ST3GAL5: variants seen among roughly 807,000 people sequenced by gnomAD.
The protein encoded by ST3GAL5 is ST3 beta-galactoside alpha-2,3-sialyltransferase 5, also known as lactosylceramide alpha-2,3-sialyltransferase.
ST3GAL5 carries 25 observed loss-of-function variants against 46.1 expected under a neutral mutation model. That is an observed-to-expected ratio of 0.54 (90% CI 0.40 to 0.76). The LOEUF (loss-of-function observed/expected upper bound fraction) is 0.76. Ranked by LOEUF, ST3GAL5 falls within the 30% of genes least tolerant of loss-of-function variation. The pLI, the probability that ST3GAL5 is intolerant of heterozygous loss-of-function variation, is 0.00. For synonymous variants in ST3GAL5, 182 were observed against 192.7 expected (o/e 0.94, Z 0.46); for missense variants, 431 against 521.2 (o/e 0.83, Z 1.69).
In ST3GAL5 at chr2:85,847,843, CA is replaced by C. The variant is rs370442067; in HGVS notation, c.662+17del. 2.5e-6 allele frequency: 4 copies of C among 1,609,634 alleles called. No homozygotes were observed. The highest frequency in any genetic ancestry group is 1.7e-4 in the Middle Eastern group (1 of 6,048). ...CAATAAAAATAAGTAAACAAACAAACAAAAAAAACCAATGTACCTTATCACA... is the reference window on the plus strand; with the variant it reads ...CAATAAAAATAAGTAAACAAACAAACAAAAAAACCAATGTACCTTATCACA... On this transcript the variant is annotated intron_variant, in intron 4 of 6. Coordinates refer to ENST00000638572, the MANE Select transcript of ST3GAL5 (RefSeq NM_003896.4).
chr2:85,849,663 C>T (rs544238192), intron 3 of ST3GAL5: 42 of 152,344 alleles, frequency 2.8e-4, no homozygotes, highest in African/African-American at 9.6e-4. Context: ...AAAAACGCAA[C>T]CTTGGAGGAA....
chr2:85,873,439 C>T (rs570235569), intron 1 of ST3GAL5, among the ~76,000 whole-genome samples: 1 of 152,146 alleles, frequency 6.6e-6, no homozygotes, highest in African/African-American at 2.4e-5. Flanking sequence ...GGACATGAAA[C>T]GTGGAGAAAA....
At chr2:85,857,289 C>T (rs1233012692) in intron 3 of ST3GAL5, among the ~76,000 whole-genome samples, 1 of 151,738 alleles carries the variant, frequency 6.6e-6, no homozygotes, top group African/African-American at 2.4e-5. Flanking sequence ...GTCATCCTAG[C>T]ACTTTGGGAG....
At chr2:85,844,673 A>T in intron 5 of ST3GAL5, 119 bp from the exon 6 acceptor site, 1 of 1,368,418 alleles carries the variant, frequency 7.3e-7, no homozygotes, top group Non-Finnish European at 1.0e-6. Flanking sequence ...CTGCCTTCTG[A>T]AGCAATCTAC....
chr2:85,876,830 G>A (rs1341864031), intron 1 of ST3GAL5, among the ~76,000 whole-genome samples: 3 of 152,108 alleles, frequency 2.0e-5, no homozygotes, highest in Non-Finnish European at 4.4e-5. Context: ...CTGTGGGCGT[G>A]ACTTCTATAA....
At chr2:85,867,560 T>C in intron 1 of ST3GAL5, 1 of 780,632 alleles carries the variant, frequency 1.3e-6, no homozygotes, top group Non-Finnish European at 2.4e-6. Flanking sequence ...AGGAAGAGGC[T>C]GACGAATCCA....
intron 1 of ST3GAL5, among the ~76,000 whole-genome samples, chr2:85,871,115 G>A (rs1361655068): frequency 1.4e-5 from 2 of 147,690 alleles, no homozygotes; most frequent in Non-Finnish European, 3.0e-5. Flanking sequence ...ATGGCTCACC[G>A]CAGCCTTGAC....
rs989255908 is a variant in ST3GAL5 at position 85,844,544 on chromosome 2, A to G, written c.860T>C (p.Val287Ala). 1.1e-5 allele frequency: 17 copies of G among 1,614,120 alleles called. No individual in the cohort carries two copies. The highest frequency in any genetic ancestry group is 1.4e-5 in the Non-Finnish European group (17 of 1,180,024). The change falls in exon 6 of 7, where the codon GTA becomes GCA. Residue 287 changes from valine (V) to alanine (A), a missense_variant. Transcript: ENST00000638572. ...MVKKETLPFWVRLFFWKQVAE... is the reference protein window; with the variant it reads ...MVKKETLPFWARLFFWKQVAE... ...CACCTGCTTCCAAAAGAAGAGTCGT[A>G]CCCAGAATGGCTAAGGAAAGCAAGC...
intron 1 of ST3GAL5, among the ~76,000 whole-genome samples, chr2:85,872,158 G>A (rs933655644): frequency 2.6e-5 from 4 of 152,154 alleles, no homozygotes; most frequent in African/African-American, 9.7e-5. Context: ...AGGTCTCTGA[G>A]CCAGAACAAA....
At chr2:85,844,356 C>G in intron 6 of ST3GAL5, 40 bp downstream of exon 6, 1 of 1,613,954 alleles carries the variant, frequency 6.2e-7, no homozygotes, top group Non-Finnish European at 8.5e-7. Context: ...CATCGCCCCT[C>G]AAACAGGGAA....
intron 5 of ST3GAL5, 41 bp downstream of exon 5, chr2:85,846,336 C>T (rs1251833981): frequency 6.3e-7 from 1 of 1,592,816 alleles, no homozygotes; most frequent in Admixed American, 1.7e-5. Flanking sequence ...GACTCCTTCA[C>T]TTTTTACTAA....
chr2:85,875,027 C>G (rs180947292), intron 1 of ST3GAL5, among the ~76,000 whole-genome samples: 9 of 151,990 alleles, frequency 5.9e-5, no homozygotes, highest in African/African-American at 2.2e-4. Flanking sequence ...ATGACTGTCT[C>G]CCCCCCACCA....
In ST3GAL5 at chr2:85,839,852, T is replaced by A; in HGVS notation, c.*292A>T. 1 of 430,226 alleles carries A rather than the reference T, an allele frequency of 2.3e-6. No individual in the cohort carries two copies. Among genetic ancestry groups the A allele is most frequent in the East Asian group, 5.0e-5 (1 of 19,832 alleles). The allele number at this position is 430,226 out of a possible 1,614,324, so 26.7% of individuals were successfully genotyped here. On this transcript the variant is annotated 3_prime_UTR_variant, in exon 7 of 7. Coordinates refer to ENST00000638572, the MANE Select transcript of ST3GAL5 (RefSeq NM_003896.4). ...ACGAGCAGAAGTTTTACAAATTAAA[T>A]TACTTTCTTAAAAATCAATACAACA...
Position 85,844,752 on chromosome 2 carries a change from T to G in ST3GAL5, c.850-198A>C, listed in dbSNP as rs1682572146. 7.5e-6 allele frequency: 5 copies of G among 665,092 alleles called. No homozygotes were observed. In the South Asian group the frequency reaches 8.6e-5, roughly 11 times the overall value. 41.2% of individuals were successfully genotyped at this position (665,092 alleles called of 1,614,324 possible). A position where few individuals can be genotyped will look rare whatever the true frequency, so the allele number is the denominator to read the frequency against. On this transcript the variant is annotated intron_variant, in intron 5 of 6. Transcript: ENST00000638572. ...AAAAAAGTAACTCTGAAATAGCCAC[T>G]TCACACAGGCGGCACTGGACAAAGA...
rs1681630765 is a variant in ST3GAL5 at position 85,837,980 on chromosome 2, G to C, written c.*2164C>G. On this transcript the variant is annotated 3_prime_UTR_variant, in exon 7 of 7. Coordinates refer to ENST00000638572, the MANE Select transcript of ST3GAL5 (RefSeq NM_003896.4). ...TTCAGAAGAGTGTGTGTGGGGTGGG[G>C]GAGTAATGGGGGCACAGCTCTGAAG... The C allele has an allele frequency of 6.6e-6, 1 of 152,236 alleles. No individual in the cohort carries two copies. The highest frequency in any genetic ancestry group is 6.5e-5 in the Admixed American group (1 of 15,270). 9.4% of individuals were successfully genotyped at this position (152,236 alleles called of 1,614,324 possible).
intron 1 of ST3GAL5, 27 bp downstream of exon 1, chr2:85,888,797 C>T (rs1387819391): frequency 1.2e-5 from 14 of 1,193,894 alleles, no homozygotes; most frequent in Non-Finnish European, 1.5e-5. Context: ...GCCCCCGCGA[C>T]GCCGAGGAGG....
chr2:85,888,938 C>A lies in ST3GAL5; in HGVS notation c.-33G>T, dbSNP rs1573747851. ...AGGGGGCGCCGGCCGGCCGCCAGCC[C>A]GGTACCCCGCGCCCCCACCCGCCCC... On this transcript the variant is annotated 5_prime_UTR_variant, in exon 1 of 7. Coordinates refer to ENST00000638572, the MANE Select transcript of ST3GAL5 (RefSeq NM_003896.4). The A allele has an allele frequency of 3.1e-6, 4 of 1,302,928 alleles. No homozygotes were observed. The highest frequency in any genetic ancestry group is 1.6e-5 in the African/African-American group (1 of 64,408). 80.7% of individuals were successfully genotyped at this position (1,302,928 alleles called of 1,614,324 possible).
At chr2:85,874,865 C>T (rs1686347864) in intron 1 of ST3GAL5, among the ~76,000 whole-genome samples, 1 of 151,380 alleles carries the variant, frequency 6.6e-6, no homozygotes, top group South Asian at 2.1e-4. Context: ...CTGTGAAGAC[C>T]AGACCTTCCA....
In ST3GAL5 at chr2:85,871,749, G is replaced by A. The variant is rs748975132; in HGVS notation, c.83-8264C>T. Among the ~76,000 whole-genome samples, 89 of 152,200 alleles carry A rather than the reference G, an allele frequency of 5.8e-4. 1 individual carries two copies. Among genetic ancestry groups the A allele is most frequent in the Non-Finnish European group, 1.0e-3 (70 of 68,034 alleles). ...ACACCCATACTTTTCCAGCAGCAGG[G>A]TGGTCAGAATGGGGAGGACCTGGAA... On this transcript the variant is annotated intron_variant, in intron 1 of 6. Coordinates refer to ENST00000638572, the MANE Select transcript of ST3GAL5 (RefSeq NM_003896.4).
Sources: allele counts gnomAD v4.1 joint callset (sites outside exome capture counted in the v4.1 genomes callset), GRCh38; gene constraint gnomAD v4.1.1; transcripts MANE v1.5; gene names NCBI Gene and HGNC (gene_info 2026-07-23, HGNC 2026-07-21).